MAPKAP1: variants seen among roughly 807,000 people sequenced by gnomAD.
The protein encoded by MAPKAP1 is MAPK associated protein 1, also known as target of rapamycin complex 2 subunit MAPKAP1.
In MAPKAP1, 20 loss-of-function variants were observed where a neutral mutation model predicts 65.7. That is an observed-to-expected ratio of 0.30 (90% CI 0.21 to 0.44). The LOEUF (loss-of-function observed/expected upper bound fraction) is 0.44, where lower values mean the gene tolerates loss of function less well. MAPKAP1 is among the 20% of genes least tolerant of loss of function. The probability of loss-of-function intolerance (pLI) is 1.00; values close to 1 mark genes in which losing one functional copy is unlikely to be tolerated. For synonymous variants in MAPKAP1, 222 were observed against 244.3 expected, an observed-to-expected ratio of 0.91 and a Z score of 0.85; for missense variants, 423 against 648.0, an observed-to-expected ratio of 0.65 and a Z score of 3.77.
chr9:125,621,193 G>A (rs759452324), intron 4 of MAPKAP1, among the ~76,000 whole-genome samples: 20 of 152,064 alleles, frequency 1.3e-4, no homozygotes, highest in Non-Finnish European at 1.6e-4. Flanking sequence ...GATCACTTGA[G>A]CCTGTGAGGT....
Position 125,694,591 on chromosome 9 carries a change from C to T in MAPKAP1, c.-70+12380G>A, listed in dbSNP as rs560988260. ...CACTACAGAGAAAATGTATGGAAAT[C>T]GTTTTCCCCGCCCCCTCTCCCAAAA... On this transcript the variant is annotated intron_variant, in intron 1 of 11. Transcript: ENST00000265960. 3.3e-5 allele frequency among the ~76,000 whole-genome samples: 5 copies of T among 152,208 alleles called. No individual in the cohort carries two copies. In the South Asian group the frequency reaches 6.2e-4, roughly 19 times the overall value.
chr9:125,678,268 A>T (rs879299445), intron 1 of MAPKAP1, among the ~76,000 whole-genome samples: 3 of 151,232 alleles, frequency 2.0e-5, no homozygotes, highest in Non-Finnish European at 4.4e-5. Flanking sequence ...TTTTTGAGAC[A>T]GAGTCTCGCT....
rs1477130001 is a variant in MAPKAP1, at chr9:125,528,115, C to T, written c.958+14944G>A. Reference sequence around the variant, plus strand: ...AAGGAACCTACCTCTCCAAAAGGAGCTTTCACTGTACTCAAGGAAAAGCGG... The same window carrying T: ...AAGGAACCTACCTCTCCAAAAGGAGTTTTCACTGTACTCAAGGAAAAGCGG... On this transcript the variant is annotated intron_variant, in intron 7 of 11. Coordinates refer to ENST00000265960, the MANE Select transcript of MAPKAP1 (RefSeq NM_001006617.3). 3.9e-5 allele frequency among the ~76,000 whole-genome samples: 6 copies of T among 152,326 alleles called. No individual in the cohort carries two copies. The East Asian group carries it at 1.2e-3, about 29-fold the overall frequency.
intron 8 of MAPKAP1, among the ~76,000 whole-genome samples, chr9:125,485,129 C>T (rs564896341): frequency 6.6e-6 from 1 of 152,200 alleles, no homozygotes; most frequent in South Asian, 2.1e-4. Context: ...AATTGAGGCT[C>T]AGAAAGATTA....
intron 1 of MAPKAP1, among the ~76,000 whole-genome samples, chr9:125,698,463 G>A (rs1037565089): frequency 6.7e-6 from 1 of 150,160 alleles, no homozygotes. Flanking sequence ...TCAGCCTCCC[G>A]AGTAACTGGG....
chr9:125,554,902 A>G (rs548008895), intron 6 of MAPKAP1, among the ~76,000 whole-genome samples: 1 of 152,020 alleles, frequency 6.6e-6, no homozygotes, highest in African/African-American at 2.4e-5. Flanking sequence ...AAAATAATGG[A>G]CGAGTAGTTA....
intron 7 of MAPKAP1, among the ~76,000 whole-genome samples, chr9:125,511,784 G>C (rs952280653): frequency 6.6e-6 from 1 of 152,198 alleles, no homozygotes; most frequent in Non-Finnish European, 1.5e-5. Context: ...TTTGGAAAGA[G>C]GATTTAAAAA....
intron 8 of MAPKAP1, among the ~76,000 whole-genome samples, chr9:125,503,249 A>G (rs143099371): frequency 1.3e-5 from 2 of 152,302 alleles, no homozygotes; most frequent in African/African-American, 4.8e-5. Flanking sequence ...ATCTTACTAC[A>G]TGTTTTCTAT....
At chr9:125,461,782 G>A (rs78343000) in intron 10 of MAPKAP1, among the ~76,000 whole-genome samples, 10,853 of 152,190 alleles carry the variant, frequency 0.071, 476 homozygotes, top group East Asian at 0.12. Flanking sequence ...ACAACATAAC[G>A]TGTCCACCTA....
In MAPKAP1 at chr9:125,491,062, C is replaced by T. The variant is rs1162743709; in HGVS notation, c.1067-6479G>A. Among the ~76,000 whole-genome samples the T allele has an allele frequency of 2.7e-5, 4 of 150,174 alleles. No individual in the cohort carries two copies. In the East Asian group the frequency reaches 7.8e-4, roughly 29 times the overall value. On this transcript the variant is annotated intron_variant, in intron 8 of 11. Transcript: ENST00000265960. ...CTGAGGCAGGAGAATCGCTTGAAGCCAGTAGGCGGAGGCTGAAGTGAGAGC... is the reference window on the plus strand; with the variant it reads ...CTGAGGCAGGAGAATCGCTTGAAGCTAGTAGGCGGAGGCTGAAGTGAGAGC...
intron 9 of MAPKAP1, among the ~76,000 whole-genome samples, chr9:125,477,796 G>A (rs1011872796): frequency 6.6e-6 from 1 of 152,166 alleles, no homozygotes; most frequent in Non-Finnish European, 1.5e-5. Flanking sequence ...GCCCGTTTGG[G>A]TGGCACATAT....
intron 10 of MAPKAP1, among the ~76,000 whole-genome samples, chr9:125,460,000 T>G (rs1853422219): frequency 6.7e-6 from 1 of 149,872 alleles, no homozygotes; most frequent in African/African-American, 2.5e-5. Context: ...AAAACACAAT[T>G]TGGAGCTTGG....
intron 10 of MAPKAP1, among the ~76,000 whole-genome samples, chr9:125,457,476 T>C (rs1853229013): frequency 6.6e-6 from 1 of 152,252 alleles, no homozygotes; most frequent in African/African-American, 2.4e-5. Context: ...TTCTATTTTA[T>C]TGATTGATTG....
rs748798802 is a variant in MAPKAP1, at chr9:125,439,022, A to G, written c.1444-10T>C. ...CCAGGATGTAGTTAACCTAGAAACAAGAGCACACAGCCCGGTCACCTTGCC... is the reference window on the plus strand; with the variant it reads ...CCAGGATGTAGTTAACCTAGAAACAGGAGCACACAGCCCGGTCACCTTGCC... On this transcript the variant is annotated splice_polypyrimidine_tract_variant and intron_variant, in intron 11 of 11. Transcript: ENST00000265960. The surrounding 1 kb of genome is among the most constrained non-coding windows in gnomAD (Gnocchi z 4.0). The G allele has an allele frequency of 3.1e-6, 5 of 1,612,906 alleles. No individual in the cohort carries two copies. In the South Asian group the frequency reaches 4.4e-5, roughly 14 times the overall value.
At chr9:125,493,095 G>A (rs547512583) in intron 8 of MAPKAP1, among the ~76,000 whole-genome samples, 1 of 152,292 alleles carries the variant, frequency 6.6e-6, no homozygotes, top group East Asian at 1.9e-4. Flanking sequence ...AAAATGGTGG[G>A]GGTGGGAGTA....
intron 10 of MAPKAP1, 152 bp downstream of exon 10, chr9:125,467,820 T>A: frequency 1.2e-6 from 1 of 837,858 alleles, no homozygotes; most frequent in Non-Finnish European, 1.8e-6. Context: ...CATAATACAA[T>A]CCCGTTTGAT....
intron 7 of MAPKAP1, among the ~76,000 whole-genome samples, chr9:125,515,084 T>A (rs971876264): frequency 1.3e-5 from 2 of 152,042 alleles, no homozygotes; most frequent in South Asian, 2.1e-4. Context: ...ATTGGATAGT[T>A]TGGAATTTAA....
At chr9:125,642,354 G>A (rs1041665148) in intron 4 of MAPKAP1, among the ~76,000 whole-genome samples, 3 of 151,992 alleles carry the variant, frequency 2.0e-5, no homozygotes, top group Non-Finnish European at 4.4e-5. Context: ...ATATAGGGTG[G>A]ACACAGGAGA....
At chr9:125,618,311 C>T (rs1236857225) in intron 4 of MAPKAP1, among the ~76,000 whole-genome samples, 1 of 126,420 alleles carries the variant, frequency 7.9e-6, no homozygotes, top group East Asian at 2.3e-4. Context: ...CACTGCACTC[C>T]AGCCTGGGTG....
Sources: gnomAD v4.1 joint callset for allele counts (sites outside exome capture counted in the v4.1 genomes callset) on GRCh38, gnomAD v4.1.1 for gene constraint, Gnocchi (gnomAD v3.1) non-coding constraint, MANE v1.5 for transcripts, NCBI Gene and HGNC (gene_info 2026-07-23, HGNC 2026-07-21) for gene names.